Variants in EEFSEC observed in about 807,000 individuals in gnomAD.
EEFSEC encodes the protein selenocysteine-specific elongation factor.
EEFSEC carries 43 observed loss-of-function variants against 42.1 expected under a neutral mutation model. That is an observed-to-expected ratio of 1.02 (90% CI 0.80 to 1.32). The LOEUF is 1.32. EEFSEC is among the 40% of genes most tolerant of loss of function. The pLI is 0.00. For missense variants in EEFSEC, 745 were observed against 803.6 expected, an observed-to-expected ratio of 0.93 and a Z score of 0.88; for synonymous variants, 354 against 339.1, an observed-to-expected ratio of 1.04 and a Z score of -0.48.
intron 1 of EEFSEC, among the ~76,000 whole-genome samples, chr3:128,236,494 A>C (rs1034718025): frequency 2.6e-5 from 4 of 152,252 alleles, no homozygotes; most frequent in Non-Finnish European, 5.9e-5. Flanking sequence ...AACACTCAAC[A>C]TGTTAGCTCT....
At chr3:128,423,655 A>G in the EEFSEC span, among the ~76,000 whole-genome samples, 1 of 152,178 alleles carries the variant, frequency 6.6e-6, no homozygotes, top group Non-Finnish European at 1.5e-5. Context: ...CAGAAAGTAG[A>G]TTTGCCAAGG....
intron 1 of EEFSEC, among the ~76,000 whole-genome samples, chr3:128,244,772 G>A (rs2999071): frequency 0.84 from 127,683 of 152,158 alleles, 54,046 homozygotes; most frequent in East Asian, 0.99. Context: ...ACCCACACAC[G>A]TGCACACACA....
chr3:128,196,916 G>A (rs1380707436), intron 1 of EEFSEC, among the ~76,000 whole-genome samples: 4 of 152,234 alleles, frequency 2.6e-5, no homozygotes, highest in Admixed American at 2.6e-4. Context: ...TGGCAGCTTT[G>A]TCTTGTGGCT....
At chr3:128,208,287 G>T (rs992789772) in intron 1 of EEFSEC, among the ~76,000 whole-genome samples, 1 of 152,212 alleles carries the variant, frequency 6.6e-6, no homozygotes, top group Non-Finnish European at 1.5e-5. Context: ...CACTCTAACA[G>T]GCACCCAAGT....
At chr3:128,239,274 T>G (rs2066045295) in intron 1 of EEFSEC, among the ~76,000 whole-genome samples, 1 of 152,014 alleles carries the variant, frequency 6.6e-6, no homozygotes, top group Non-Finnish European at 1.5e-5. Context: ...ACAAGGCCTT[T>G]GGGTATATGT....
chr3:128,403,338 A>G (rs1374273810), intron 6 of EEFSEC, among the ~76,000 whole-genome samples: 4 of 152,178 alleles, frequency 2.6e-5, no homozygotes, highest in African/African-American at 7.2e-5. Context: ...GCTGTGAGCC[A>G]GGGGCAAGCA....
intron 4 of EEFSEC, among the ~76,000 whole-genome samples, chr3:128,312,295 CAGA>C (rs1218333751): frequency 6.6e-6 from 1 of 152,248 alleles, no homozygotes; most frequent in Non-Finnish European, 1.5e-5. Flanking sequence ...CTGAGTTACA[CAGA>C]AGTGGGCAGT....
At chr3:128,282,945 G>A (rs771840803) in intron 4 of EEFSEC, among the ~76,000 whole-genome samples, 4 of 152,246 alleles carry the variant, frequency 2.6e-5, no homozygotes, top group Non-Finnish European at 4.4e-5. Context: ...GGACTAGAGC[G>A]CTGGGCTCCC....
intron 4 of EEFSEC, among the ~76,000 whole-genome samples, chr3:128,336,748 C>T (rs2067194114): frequency 6.6e-6 from 1 of 152,232 alleles, no homozygotes; most frequent in Non-Finnish European, 1.5e-5. Flanking sequence ...CTCATACAGC[C>T]TCATCCTTTT....
intron 1 of EEFSEC, among the ~76,000 whole-genome samples, chr3:128,191,163 C>T (rs1040951783): frequency 1.3e-5 from 2 of 152,146 alleles, no homozygotes; most frequent in South Asian, 2.1e-4. Context: ...ACCAACATAG[C>T]TTGATATGTA....
chr3:128,310,612 A>C (rs751690670), intron 4 of EEFSEC, among the ~76,000 whole-genome samples: 3 of 152,254 alleles, frequency 2.0e-5, no homozygotes, highest in Non-Finnish European at 4.4e-5. Flanking sequence ...CTGTACAGAT[A>C]GACTGTATCA....
chr3:128,340,448 A>G (rs762707679), intron 4 of EEFSEC, among the ~76,000 whole-genome samples: 11 of 151,506 alleles, frequency 7.3e-5, no homozygotes, highest in Non-Finnish European at 1.6e-4. Flanking sequence ...GAATTAATAT[A>G]TATAATTTTT....
chr3:128,283,108 C>A (rs544807598), intron 4 of EEFSEC, among the ~76,000 whole-genome samples: 2 of 152,348 alleles, frequency 1.3e-5, no homozygotes, highest in East Asian at 3.9e-4. Context: ...TCAGAGGAGC[C>A]CTTTCAGGCA....
chr3:128,153,836 C>G lies in EEFSEC; in HGVS notation c.316+13C>G. The G allele has an allele frequency of 1.3e-6, 2 of 1,498,848 alleles. No homozygotes were observed. Among genetic ancestry groups the G allele is most frequent in the Non-Finnish European group, 1.8e-6 (2 of 1,131,522 alleles). The allele number at this position is 1,498,848 out of a possible 1,614,324, so 92.8% of individuals were successfully genotyped here. A position where few individuals can be genotyped will look rare whatever the true frequency, so the allele number is the denominator to read the frequency against. The stretch of plus-strand genomic sequence containing the variant: ...ACCATCATCGGCGGTGAGCGCGGGC[C>G]GGGGCGGGAGCCGGGCTCAGGGACG... On this transcript the variant is annotated intron_variant, in intron 1 of 6. Coordinates refer to ENST00000254730, the MANE Select transcript of EEFSEC (RefSeq NM_021937.5).
intron 4 of EEFSEC, among the ~76,000 whole-genome samples, chr3:128,331,816 G>A (rs888112045): frequency 2.6e-5 from 4 of 152,162 alleles, no homozygotes; most frequent in Non-Finnish European, 4.4e-5. Context: ...GCTGGGGAGG[G>A]TGTGGGGAAG....
chr3:128,399,751 T>C (rs746981602), intron 6 of EEFSEC, among the ~76,000 whole-genome samples: 1 of 151,818 alleles, frequency 6.6e-6, no homozygotes, highest in Non-Finnish European at 1.5e-5. Context: ...ACACTGGCTC[T>C]CTCTGCCCAC....
chr3:128,259,647 C>T (rs1280301712), intron 2 of EEFSEC, among the ~76,000 whole-genome samples: 1 of 152,196 alleles, frequency 6.6e-6, no homozygotes. Flanking sequence ...GCCCTTTGCT[C>T]CTCATTCTCT....
At chr3:128,376,282 G>A (rs1317404259) in intron 6 of EEFSEC, among the ~76,000 whole-genome samples, 1 of 152,238 alleles carries the variant, frequency 6.6e-6, no homozygotes, top group Non-Finnish European at 1.5e-5. Flanking sequence ...GTTACTAGAA[G>A]TAGGCGGAAA....
intron 4 of EEFSEC, among the ~76,000 whole-genome samples, chr3:128,299,545 G>A (rs779391987): frequency 6.6e-6 from 1 of 152,168 alleles, no homozygotes; most frequent in Non-Finnish European, 1.5e-5. Context: ...CTGGCTTGTA[G>A]CATGTGCTCA....
Sources: gnomAD v4.1 joint callset for allele counts (sites outside exome capture counted in the v4.1 genomes callset) on GRCh38, gnomAD v4.1.1 for gene constraint, MANE v1.5 for transcripts, NCBI Gene and HGNC (gene_info 2026-07-23, HGNC 2026-07-21) for gene names.